The following WDFY4 variants were observed in gnomAD, a reference collection of about 807,000 sequenced individuals.
The protein encoded by WDFY4 is WD repeat- and FYVE domain-containing protein 4.
WDFY4 carries 169 observed loss-of-function variants against 351.9 expected under a neutral mutation model. The ratio of observed to expected loss-of-function variants is 0.48; its 90% confidence interval spans 0.42 to 0.55. The LOEUF is 0.55. Among genes scored for constraint, WDFY4 ranks in the 20% least tolerant of loss-of-function variants. WDFY4 has a pLI of 0.00. For synonymous variants in WDFY4, 1,622 were observed against 1,574.6 expected (o/e 1.03, Z -0.71); for missense variants, 3,803 against 3,935.6 (o/e 0.97, Z 0.90).
chr10:48,965,801 T>TATC (rs1433447025), intron 54 of WDFY4, among the ~76,000 whole-genome samples: 3 of 152,260 alleles, frequency 2.0e-5, no homozygotes, highest in Non-Finnish European at 4.4e-5. Flanking sequence ...ATTATATCTG[T>TATC]ATCAGTTAGA....
intron 47 of WDFY4, among the ~76,000 whole-genome samples, chr10:48,927,934 C>A (rs1839711297): frequency 6.6e-6 from 1 of 152,134 alleles, no homozygotes; most frequent in Non-Finnish European, 1.5e-5. Flanking sequence ...ACTAGAAATG[C>A]CTTGTTCATC....
At chr10:48,730,664 C>A (rs1162330653) in intron 8 of WDFY4, among the ~76,000 whole-genome samples, 1 of 152,166 alleles carries the variant, frequency 6.6e-6, no homozygotes, top group Non-Finnish European at 1.5e-5. Context: ...AATGGAAATA[C>A]AATGCAATGC....
At chr10:48,914,048 C>T in intron 47 of WDFY4, 1 of 1,614,232 alleles carries the variant, frequency 6.2e-7, no homozygotes, top group Non-Finnish European at 8.5e-7. Flanking sequence ...TAATTCCCAT[C>T]TTGCTCAAGT....
At chr10:48,888,209 A>G (rs1179067588) in intron 43 of WDFY4, among the ~76,000 whole-genome samples, 1 of 152,136 alleles carries the variant, frequency 6.6e-6, no homozygotes, top group Non-Finnish European at 1.5e-5. Flanking sequence ...CAAGTCCCAA[A>G]GTAGACATTT....
Position 48,709,882 on chromosome 10 carries a change from G to T in WDFY4, c.150G>T (p.Lys50Asn). ...CTCTCTGGGACATGCTGGAAAGGAA[G>T]TTTCTGGAATACCAGCAGTTGACTC... The part of the protein sequence containing the change: ...PTALWDMLER[K>N]FLEYQQLTHK... The change falls in exon 2 of 62, where the codon AAG becomes AAT. Residue 50 changes from lysine to asparagine, a missense_variant. By Grantham distance (94) the Lys-to-Asn change is moderately conservative. Transcript: ENST00000325239. The T allele has an allele frequency of 6.4e-7, 1 of 1,552,042 alleles. No individual in the cohort carries two copies. Among genetic ancestry groups the T allele is most frequent in the South Asian group, 1.2e-5 (1 of 84,066 alleles).
At chr10:48,714,897 G>A in intron 2 of WDFY4, among the ~76,000 whole-genome samples, 1 of 152,220 alleles carries the variant, frequency 6.6e-6, no homozygotes, top group East Asian at 1.9e-4. Context: ...TCAAGAGGTG[G>A]GATCTTTATC....
chr10:48,747,370 T>G (rs540187319), intron 12 of WDFY4, among the ~76,000 whole-genome samples: 1 of 152,348 alleles, frequency 6.6e-6, no homozygotes, highest in East Asian at 1.9e-4. Flanking sequence ...TCATATTCAT[T>G]GGGATTCCTG....
intron 45 of WDFY4, among the ~76,000 whole-genome samples, chr10:48,898,821 CTGA>C (rs1837217545): frequency 1.3e-5 from 2 of 152,148 alleles, no homozygotes; most frequent in African/African-American, 4.8e-5. Context: ...CAGCCCTGCC[CTGA>C]TGGTTCTGGG....
At chr10:48,780,640 C>G (rs1032265730) in intron 19 of WDFY4, among the ~76,000 whole-genome samples, 4 of 152,178 alleles carry the variant, frequency 2.6e-5, no homozygotes, top group African/African-American at 4.8e-5. Context: ...CTGGAGGAAG[C>G]ATCTCATGGC....
At chr10:48,971,032 G>A (rs993044536) in intron 57 of WDFY4, among the ~76,000 whole-genome samples, 1 of 152,138 alleles carries the variant, frequency 6.6e-6, no homozygotes, top group African/African-American at 2.4e-5. Flanking sequence ...GGAAACTGAG[G>A]CTCAGAACAG....
At chr10:48,887,851 T>C (rs944866155) in intron 43 of WDFY4, among the ~76,000 whole-genome samples, 1 of 152,190 alleles carries the variant, frequency 6.6e-6, no homozygotes, top group Admixed American at 6.5e-5. Context: ...GGATGGTCAT[T>C]GTAGCATTGC....
chr10:48,788,028 CCTTTTCCTTCTT>C (rs1565199601), intron 20 of WDFY4, among the ~76,000 whole-genome samples: 1 of 106,254 alleles, frequency 9.4e-6, no homozygotes, highest in Non-Finnish European at 1.9e-5. Flanking sequence ...TTCTCCTTCT[CCTTTTCCTTCTT>C]CTTCTTCGAC....
rs2131866923 is a variant in WDFY4, at chr10:48,976,686, C to T, written c.9109-111C>T. 3 of 1,047,116 alleles carry T rather than the reference C, an allele frequency of 2.9e-6. No individual in the cohort carries two copies. The South Asian group carries it at 1.2e-4, about 42-fold the overall frequency. 64.9% of individuals were successfully genotyped at this position (1,047,116 alleles called of 1,614,324 possible). A position where few individuals can be genotyped will look rare whatever the true frequency, so the allele number is the denominator to read the frequency against. On this transcript the variant is annotated intron_variant, in intron 58 of 61. Transcript: ENST00000325239. ...AGTTTTGGGGTACCTTGGGGGTCTT[C>T]AGAGCATGACAGATTGAGAGTACTT...
rs552323637 is a variant in WDFY4, at chr10:48,704,442, G to A, written c.-17-5274G>A. On this transcript the variant is annotated intron_variant, in intron 1 of 61. Transcript: ENST00000325239. The stretch of plus-strand genomic sequence containing the variant: ...GCTGGGACACAGCACGGCCGGCAGG[G>A]AGGAGTGGTCTTGTCTTTTCCTGGA... Among the ~76,000 whole-genome samples, 29 of 152,252 alleles carry A rather than the reference G, an allele frequency of 1.9e-4. No homozygotes were observed. In the East Asian group the frequency reaches 4.8e-3, roughly 25 times the overall value.
At chr10:48,931,983 A>G (rs541110078) in intron 47 of WDFY4, among the ~76,000 whole-genome samples, 1 of 152,312 alleles carries the variant, frequency 6.6e-6, no homozygotes, top group Admixed American at 6.5e-5. Flanking sequence ...GTGCCTGAAA[A>G]GGCCGGTGGG....
chr10:48,946,775 G>T (rs1361655121), intron 50 of WDFY4, 85 bp from the exon 51 acceptor site: 2 of 993,840 alleles, frequency 2.0e-6, no homozygotes, highest in East Asian at 2.7e-5. Context: ...TTTTAATGCC[G>T]TTCATGAACA....
chr10:48,848,233 T>A (rs1376338369), intron 39 of WDFY4, among the ~76,000 whole-genome samples: 1 of 152,174 alleles, frequency 6.6e-6, no homozygotes, highest in Non-Finnish European at 1.5e-5. Context: ...CACATAAGGA[T>A]AGTATACACA....
At chr10:48,960,096 G>T (rs377324947) in intron 53 of WDFY4, among the ~76,000 whole-genome samples, 51 of 152,328 alleles carry the variant, frequency 3.3e-4, no homozygotes, top group African/African-American at 1.2e-3. Context: ...AGTGTCCTCA[G>T]CCAGCCCTAC....
intron 39 of WDFY4, among the ~76,000 whole-genome samples, chr10:48,833,172 T>TGA (rs35354863): frequency 3.3e-3 from 442 of 135,888 alleles, no homozygotes; most frequent in African/African-American, 9.7e-3. Context: ...TGTGTGTGTG[T>TGA]GAGAGAGAGA....
Sources: allele counts gnomAD v4.1 joint callset (sites outside exome capture counted in the v4.1 genomes callset), GRCh38; gene constraint gnomAD v4.1.1; transcripts MANE v1.5; gene names NCBI Gene and HGNC (gene_info 2026-07-23, HGNC 2026-07-21).